Variants in MILR1 observed in about 807,000 individuals in gnomAD.
The protein encoded by MILR1 is allergin-1.
Under a neutral mutation model 18.5 loss-of-function variants are expected in MILR1, and 31 were observed. The ratio of observed to expected loss-of-function variants is 1.68; its 90% CI spans 1.26 to 2.26. The LOEUF (loss-of-function observed/expected upper bound fraction) is 2.26. Ranked by LOEUF, MILR1 falls within the 30% of genes most tolerant of loss-of-function variation. The probability of loss-of-function intolerance (pLI) is 0.00; values close to 1 mark genes in which losing one functional copy is unlikely to be tolerated. For missense variants in MILR1, 257 were observed against 157.4 expected (o/e 1.63, Z -3.38); for synonymous variants, 85 against 56.2 (o/e 1.51, Z -2.30).
chr17:64,467,676 T>C, intron 9 of MILR1, 31 bp downstream of exon 9: 1 of 1,415,940 alleles, frequency 7.1e-7, no homozygotes, highest in East Asian at 2.4e-5. Flanking sequence ...CTGATTTCCA[T>C]GAACAAAAAG....
chr17:64,468,181 AG>A (rs1237300500), intron 9 of MILR1, 128 bp from the exon 10 acceptor site: 1 of 450,200 alleles, frequency 2.2e-6, no homozygotes, highest in African/African-American at 2.0e-5. Flanking sequence ...AGTTGTGGGG[AG>A]GACCCTCCTT....
the MILR1 span, among the ~76,000 whole-genome samples, chr17:64,489,617 G>GGGCATGGT: frequency 2.0e-5 from 3 of 151,834 alleles, no homozygotes; most frequent in Non-Finnish European, 4.4e-5. Context: ...ACCATCAGTC[G>GGGCATGGT]GGCATGGTGA....
At chr17:64,472,798 T>G (rs1555664860), downstream of MILR1, among the ~76,000 whole-genome samples, 1 of 152,184 alleles carries the variant, frequency 6.6e-6, no homozygotes, top group Admixed American at 6.6e-5. Context: ...AACAGTGACC[T>G]CCACTGTTAG....
At chr17:64,466,413 C>T (rs373932261) in intron 6 of MILR1, 29 bp from the exon 7 acceptor site, 120 of 1,606,368 alleles carry the variant, frequency 7.5e-5, no homozygotes, top group Non-Finnish European at 5.1e-6. Flanking sequence ...CGCCACCAAC[C>T]CCCAATTTAT....
the MILR1 span, among the ~76,000 whole-genome samples, chr17:64,484,547 T>C: frequency 5.6e-4 from 85 of 152,254 alleles, no homozygotes; most frequent in African/African-American, 1.9e-3. Flanking sequence ...ACAGGGCCAC[T>C]CTATCAGGGG....
chr17:64,463,966 G>A (rs1340354816), intron 5 of MILR1, among the ~76,000 whole-genome samples: 1 of 151,784 alleles, frequency 6.6e-6, no homozygotes, highest in Admixed American at 6.6e-5. Flanking sequence ...TGGGATTACA[G>A]GCGCCCACCA....
the MILR1 span, chr17:64,483,062 TATAAC>T: frequency 3.7e-6 from 3 of 819,712 alleles, no homozygotes; most frequent in Admixed American, 4.1e-5. Context: ...TTTGTTTAAA[TATAAC>T]ACAAGTTTAA....
At chr17:64,493,059 C>A in the MILR1 span, 69 of 1,609,384 alleles carry the variant, frequency 4.3e-5, no homozygotes, top group Non-Finnish European at 8.5e-7. Flanking sequence ...TACATCTAGT[C>A]CACAAACCCA....
At chr17:64,491,039 G>GT in the MILR1 span, 4 of 1,167,010 alleles carry the variant, frequency 3.4e-6, no homozygotes, top group Non-Finnish European at 5.1e-6. Flanking sequence ...ATAATTATCT[G>GT]TAAGAATTTA....
chr17:64,493,073 C>A, the MILR1 span: 1 of 1,591,056 alleles, frequency 6.3e-7, no homozygotes. Flanking sequence ...AAACCCAAAT[C>A]ATTTTTGTCA....
the MILR1 span, among the ~76,000 whole-genome samples, chr17:64,487,970 T>C: frequency 6.6e-6 from 1 of 152,262 alleles, no homozygotes; most frequent in Non-Finnish European, 1.5e-5. Flanking sequence ...ATAAATTCTT[T>C]TCTATCCTAA....
intron 3 of MILR1, among the ~76,000 whole-genome samples, chr17:64,457,185 C>T (rs921255416): frequency 6.6e-6 from 1 of 152,180 alleles, no homozygotes; most frequent in Non-Finnish European, 1.5e-5. Flanking sequence ...TCTCAGCACT[C>T]AGCTGAGAAC....
chr17:64,464,179 G>A (rs1382874268), intron 5 of MILR1, among the ~76,000 whole-genome samples: 50 of 142,706 alleles, frequency 3.5e-4, no homozygotes, highest in South Asian at 6.7e-4. Context: ...GCTGGAGTGC[G>A]GTGGTGCAAT....
chr17:64,455,740 G>A (rs963135199), intron 3 of MILR1, among the ~76,000 whole-genome samples: 2 of 149,606 alleles, frequency 1.3e-5, no homozygotes, highest in Non-Finnish European at 3.0e-5. Flanking sequence ...CTCATCAAAT[G>A]TTTAAAGAGA....
the MILR1 span, chr17:64,496,362 T>G: frequency 7.5e-7 from 1 of 1,336,702 alleles, no homozygotes; most frequent in Admixed American, 2.0e-5. Flanking sequence ...CTGCCTCGCC[T>G]TTCCACCCGA....
chr17:64,467,935 C>A (rs1167394054), intron 9 of MILR1: 48 of 159,066 alleles, frequency 3.0e-4, no homozygotes, highest in African/African-American at 8.2e-4. Context: ...GACTTCATCT[C>A]AAAAAAAAAA....
chr17:64,455,446 C>T (rs1210516866), intron 3 of MILR1, among the ~76,000 whole-genome samples: 1 of 151,876 alleles, frequency 6.6e-6, no homozygotes, highest in Non-Finnish European at 1.5e-5. Flanking sequence ...ATCACTGATT[C>T]ACTCATCAAA....
chr17:64,489,501 T>C, the MILR1 span, among the ~76,000 whole-genome samples: 3 of 149,360 alleles, frequency 2.0e-5, no homozygotes, highest in Non-Finnish European at 4.5e-5. Context: ...TGACTCATTC[T>C]TATAATCCAA....
At chr17:64,468,733 A>G (rs2037638538), downstream of MILR1, 1 of 642,070 alleles carries the variant, frequency 1.6e-6, no homozygotes, top group Non-Finnish European at 1.9e-6. Flanking sequence ...ACTGTCCAAT[A>G]GAAATATAAT....
Sources: gnomAD v4.1 joint callset for allele counts (sites outside exome capture counted in the v4.1 genomes callset) on GRCh38, gnomAD v4.1.1 for gene constraint, MANE v1.5 for transcripts, NCBI Gene and HGNC (gene_info 2026-07-23, HGNC 2026-07-21) for gene names.